Variants in RGS6 observed in about 807,000 individuals in gnomAD.
The protein encoded by RGS6 is regulator of G protein signaling 6, also known as regulator of G-protein signaling 6.
In RGS6, 30 loss-of-function variants were observed where a neutral mutation model predicts 78.5. That is an observed-to-expected ratio of 0.38 (90% CI 0.29 to 0.52). RGS6 has a LOEUF of 0.52. RGS6 is among the 20% of genes least tolerant of loss of function. The pLI, the probability that RGS6 is intolerant of heterozygous loss-of-function variation, is 0.85. For synonymous variants in RGS6, 206 were observed against 206.0 expected (o/e 1.00, Z 0.00); for missense variants, 495 against 609.7 (o/e 0.81, Z 1.98).
At chr14:72,511,677 A>G (rs986362113) in intron 14 of RGS6, 3 of 152,262 alleles carry the variant, frequency 2.0e-5, no homozygotes, top group African/African-American at 7.2e-5. Context: ...AGAATATTCC[A>G]AGCTGGAGGA....
intron 12 of RGS6, among the ~76,000 whole-genome samples, chr14:72,492,920 T>C (rs2096597140): frequency 1.3e-5 from 2 of 152,186 alleles, no homozygotes; most frequent in Non-Finnish European, 2.9e-5. Flanking sequence ...ACAGACACCA[T>C]CTGGCCCACA....
chr14:72,474,727 T>C, intron 10 of RGS6, 28 bp downstream of exon 10: 1 of 1,587,640 alleles, frequency 6.3e-7, no homozygotes. Flanking sequence ...AGTTAAAAAT[T>C]CCTGATGTGA....
chr14:72,479,387 G>A (rs1304008716), intron 12 of RGS6, among the ~76,000 whole-genome samples: 1 of 152,132 alleles, frequency 6.6e-6, no homozygotes, highest in Non-Finnish European at 1.5e-5. Context: ...ATAATTCCTT[G>A]TTGTGTTCTT....
rs533059412 is a variant in RGS6, at chr14:72,477,724, G to C, written c.793-544G>C. Reference sequence around the variant, plus strand: ...AGACAGCAGAATCACTTGAATCTGAGAGGTGGAGGTTGCAGTGAGCTGAGA... The same window carrying C: ...AGACAGCAGAATCACTTGAATCTGACAGGTGGAGGTTGCAGTGAGCTGAGA... On this transcript the variant is annotated intron_variant, in intron 11 of 17. Transcript: ENST00000553525. 2.0e-5 allele frequency among the ~76,000 whole-genome samples: 3 copies of C among 151,420 alleles called. No homozygotes were observed. The South Asian group carries it at 6.3e-4, about 32-fold the overall frequency.
chr14:72,074,423 C>G (rs970532249), intron 2 of RGS6, among the ~76,000 whole-genome samples: 2 of 152,158 alleles, frequency 1.3e-5, no homozygotes, highest in Admixed American at 1.3e-4. Flanking sequence ...GTCTTGAACT[C>G]CTGGCCTCAA....
intron 3 of RGS6, among the ~76,000 whole-genome samples, chr14:72,402,094 G>T (rs2092462641): frequency 6.6e-6 from 1 of 152,196 alleles, no homozygotes; most frequent in Admixed American, 6.5e-5. Flanking sequence ...GGCAGGAAGG[G>T]AGCTGACCCA....
intron 2 of RGS6, among the ~76,000 whole-genome samples, chr14:72,152,239 A>AGTGTGTGT (rs1435930109): frequency 7.0e-6 from 1 of 142,452 alleles, no homozygotes; most frequent in African/African-American, 2.7e-5. Context: ...AGAGAGAGAG[A>AGTGTGTGT]GAGAGAGTGT....
intron 2 of RGS6, among the ~76,000 whole-genome samples, chr14:72,308,195 G>T (rs2152444050): frequency 6.6e-6 from 1 of 152,224 alleles, no homozygotes; most frequent in African/African-American, 2.4e-5. Flanking sequence ...TCAGAACGAT[G>T]CTGAGTAAAG....
At chr14:72,033,286 T>C (rs1022313940) in intron 2 of RGS6, among the ~76,000 whole-genome samples, 2 of 152,210 alleles carry the variant, frequency 1.3e-5, no homozygotes, top group Non-Finnish European at 2.9e-5. Flanking sequence ...CAGGCTGGAA[T>C]GCAGTGGTGT....
chr14:72,333,734 C>G (rs1408243602), intron 2 of RGS6, among the ~76,000 whole-genome samples: 2 of 152,166 alleles, frequency 1.3e-5, no homozygotes, highest in South Asian at 4.1e-4. Flanking sequence ...CACCATCACA[C>G]CCATGACCTT....
intron 3 of RGS6, among the ~76,000 whole-genome samples, chr14:72,434,181 T>G (rs2094793466): frequency 6.6e-6 from 1 of 151,928 alleles, no homozygotes; most frequent in Admixed American, 6.6e-5. Flanking sequence ...ACAAAAAAAT[T>G]AAAAAATTAT....
At chr14:72,556,566 A>G (rs1161770022) in intron 17 of RGS6, among the ~76,000 whole-genome samples, 1 of 152,042 alleles carries the variant, frequency 6.6e-6, no homozygotes, top group East Asian at 1.9e-4. Flanking sequence ...AATTGCTTTC[A>G]GAAGACGTGA....
intron 2 of RGS6, chr14:71,990,907 T>A (rs1210193856): frequency 2.2e-6 from 1 of 453,712 alleles, no homozygotes; most frequent in Admixed American, 2.4e-5. Flanking sequence ...TGGTGTAGCA[T>A]CCTCCACATA....
In RGS6 at chr14:71,972,789, G is replaced by C. The variant is rs144042144; in HGVS notation, c.84+7914G>C. ...AATACAGATGGGAGGATGTGTTTGAGAGATGTTTAGGAGGTTCAGGCAACA... is the reference window on the plus strand; with the variant it reads ...AATACAGATGGGAGGATGTGTTTGACAGATGTTTAGGAGGTTCAGGCAACA... On this transcript the variant is annotated intron_variant, in intron 2 of 17. Transcript: ENST00000553525. Among the ~76,000 whole-genome samples the C allele has an allele frequency of 4.3e-3, 648 of 152,314 alleles. 2 individuals carry two copies. The highest frequency in any genetic ancestry group is 7.0e-3 in the Admixed American group (107 of 15,302).
Position 72,364,467 on chromosome 14 carries a change from T to C in RGS6, c.184+12273T>C, listed in dbSNP as rs2082093772. The stretch of plus-strand genomic sequence containing the variant: ...CTTTCCACCAGCTCAGCAGCCTCCA[T>C]CAGACTTTCTAGCCATTTGAGAAAT... On this transcript the variant is annotated intron_variant, in intron 3 of 17. Transcript: ENST00000553525. 2.0e-5 allele frequency among the ~76,000 whole-genome samples: 3 copies of C among 152,160 alleles called. No homozygotes were observed. In the South Asian group the frequency reaches 6.2e-4, roughly 32 times the overall value.
chr14:72,324,271 G>A (rs1054856386), intron 2 of RGS6, among the ~76,000 whole-genome samples: 4 of 151,714 alleles, frequency 2.6e-5, no homozygotes, highest in Non-Finnish European at 4.4e-5. Context: ...TGAAACAACT[G>A]AATACCTCTT....
Position 72,310,511 on chromosome 14 carries a change from G to A in RGS6, c.85-41584G>A, listed in dbSNP as rs377023156. The stretch of plus-strand genomic sequence containing the variant: ...AGAAGGAATGAGGCTAGTGTCTGCC[G>A]TTAGCTTAATTATTGGGGAAAAGCG... On this transcript the variant is annotated intron_variant, in intron 2 of 17. Coordinates refer to ENST00000553525, the MANE Select transcript of RGS6 (RefSeq NM_001204424.2). 1.1e-4 allele frequency among the ~76,000 whole-genome samples: 16 copies of A among 152,288 alleles called. 1 individual carries two copies. The highest frequency in any genetic ancestry group is 3.6e-4 in the African/African-American group (15 of 41,560).
At chr14:72,542,637 T>A (rs1160982519) in intron 17 of RGS6, among the ~76,000 whole-genome samples, 1 of 152,164 alleles carries the variant, frequency 6.6e-6, no homozygotes, top group Non-Finnish European at 1.5e-5. Flanking sequence ...TGAGGCCAAT[T>A]ACCATTTAGG....
intron 15 of RGS6, among the ~76,000 whole-genome samples, chr14:72,528,189 G>A (rs1196864164): frequency 6.6e-6 from 1 of 152,202 alleles, no homozygotes; most frequent in East Asian, 1.9e-4. Flanking sequence ...ATTTCCAAAT[G>A]AGGACTCTCT....
Sources: allele counts gnomAD v4.1 joint callset (sites outside exome capture counted in the v4.1 genomes callset), GRCh38; gene constraint gnomAD v4.1.1; transcripts MANE v1.5; gene names NCBI Gene and HGNC (gene_info 2026-07-23, HGNC 2026-07-21).